AUTS2: variants seen among roughly 807,000 people sequenced by gnomAD.
The protein encoded by AUTS2 is autism susceptibility gene 2 protein.
Under a neutral mutation model 112.4 loss-of-function variants are expected in AUTS2, and 17 were observed. The ratio of observed to expected loss-of-function variants is 0.15; its 90% CI spans 0.10 to 0.23. The LOEUF (loss-of-function observed/expected upper bound fraction) is 0.23, where lower values mean the gene tolerates loss of function less well. AUTS2 is among the 10% of genes least tolerant of loss of function. The pLI is 1.00. For missense variants in AUTS2, 1,510 were observed against 1,701.6 expected (o/e 0.89, Z 1.98); for synonymous variants, 751 against 702.7 (o/e 1.07, Z -1.09).
chr7:70,741,091 C>G (rs1213758659), intron 6 of AUTS2, among the ~76,000 whole-genome samples: 1 of 149,848 alleles, frequency 6.7e-6, no homozygotes, highest in East Asian at 2.0e-4. Flanking sequence ...GAGACCCTGT[C>G]TCAAAAATTA....
intron 2 of AUTS2, among the ~76,000 whole-genome samples, chr7:70,052,479 A>G (rs1329982751): frequency 6.6e-6 from 1 of 152,186 alleles, no homozygotes; most frequent in African/African-American, 2.4e-5. Context: ...AGTCATATAT[A>G]TTCACGGTTC....
intron 1 of AUTS2, among the ~76,000 whole-genome samples, chr7:69,720,109 A>G (rs1025969505): frequency 6.6e-6 from 1 of 152,210 alleles, no homozygotes; most frequent in African/African-American, 2.4e-5. Flanking sequence ...GTAATTTGGC[A>G]TGGTAATGTG....
At chr7:70,703,278 T>C (rs1809557312) in intron 6 of AUTS2, among the ~76,000 whole-genome samples, 1 of 152,128 alleles carries the variant, frequency 6.6e-6, no homozygotes, top group Non-Finnish European at 1.5e-5. Flanking sequence ...GAGGATTGCT[T>C]GAGCTCAGGA....
chr7:70,693,402 TCCACTTTTG>T (rs1484079123), intron 5 of AUTS2, among the ~76,000 whole-genome samples: 8 of 152,204 alleles, frequency 5.3e-5, no homozygotes, highest in African/African-American at 1.9e-4. Context: ...AGCAACAGGC[TCCACTTTTG>T]TGGATGCAGG....
chr7:70,616,675 A>G (rs1312113920), intron 5 of AUTS2, among the ~76,000 whole-genome samples: 1 of 152,198 alleles, frequency 6.6e-6, no homozygotes, highest in Non-Finnish European at 1.5e-5. Flanking sequence ...GTCAGGGTTA[A>G]AAATCAACGT....
intron 5 of AUTS2, among the ~76,000 whole-genome samples, chr7:70,442,838 A>T (rs1401810554): frequency 6.6e-6 from 1 of 151,968 alleles, no homozygotes; most frequent in Non-Finnish European, 1.5e-5. Context: ...CATCTACTCA[A>T]CCTCTTCTTA....
intron 5 of AUTS2, among the ~76,000 whole-genome samples, chr7:70,460,079 C>T (rs1428871663): frequency 6.6e-6 from 1 of 152,134 alleles, no homozygotes; most frequent in African/African-American, 2.4e-5. Flanking sequence ...CTTTCCATAC[C>T]GTATAGAGGA....
chr7:70,095,638 A>G (rs1804154963), intron 2 of AUTS2, among the ~76,000 whole-genome samples: 1 of 152,200 alleles, frequency 6.6e-6, no homozygotes, highest in African/African-American at 2.4e-5. Context: ...ACTTTAGTTT[A>G]TAGGTTATTG....
intron 2 of AUTS2, among the ~76,000 whole-genome samples, chr7:70,017,250 C>G (rs983432087): frequency 2.0e-5 from 3 of 152,066 alleles, no homozygotes; most frequent in African/African-American, 7.2e-5. Context: ...CTTTGATTTC[C>G]CCATAATACA....
At chr7:69,993,291 C>T (rs993129114) in intron 2 of AUTS2, among the ~76,000 whole-genome samples, 4 of 152,130 alleles carry the variant, frequency 2.6e-5, no homozygotes, top group Non-Finnish European at 5.9e-5. Flanking sequence ...GTATAGTCAT[C>T]CCACTATACC....
At chr7:70,185,890 C>A (rs1223570832) in intron 4 of AUTS2, among the ~76,000 whole-genome samples, 2 of 152,018 alleles carry the variant, frequency 1.3e-5, no homozygotes. Context: ...ATTGAGGGAT[C>A]TAGATTTAGC....
intron 5 of AUTS2, among the ~76,000 whole-genome samples, chr7:70,671,717 C>T (rs1563116813): frequency 6.6e-6 from 1 of 152,166 alleles, no homozygotes; most frequent in African/African-American, 2.4e-5. Flanking sequence ...TGTCCAAGAC[C>T]GTACAGTGTC....
intron 2 of AUTS2, among the ~76,000 whole-genome samples, chr7:70,029,640 C>T (rs567192163): frequency 5.9e-5 from 9 of 152,050 alleles, no homozygotes; most frequent in South Asian, 4.2e-4. Context: ...GAATACTTTG[C>T]GGTTGTCATA....
At chr7:69,675,408 A>C (rs1200560709) in intron 1 of AUTS2, among the ~76,000 whole-genome samples, 1 of 151,946 alleles carries the variant, frequency 6.6e-6, no homozygotes, top group Non-Finnish European at 1.5e-5. Flanking sequence ...TAACAGATTC[A>C]TCTAGACACC....
intron 1 of AUTS2, among the ~76,000 whole-genome samples, chr7:69,762,376 G>A (rs922032101): frequency 6.3e-5 from 8 of 126,764 alleles, no homozygotes; most frequent in African/African-American, 2.2e-4. Context: ...GCACTATCTC[G>A]GTTCACTGCA....
At chr7:70,787,837 C>CT (rs1791615179) in intron 18 of AUTS2, among the ~76,000 whole-genome samples, 1 of 152,194 alleles carries the variant, frequency 6.6e-6, no homozygotes, top group Admixed American at 6.5e-5. Flanking sequence ...CTCTTTTCCT[C>CT]TTTTTGTTTT....
At chr7:70,358,088 G>A (rs1467379392) in intron 4 of AUTS2, among the ~76,000 whole-genome samples, 2 of 152,174 alleles carry the variant, frequency 1.3e-5, no homozygotes, top group Admixed American at 6.5e-5. Context: ...TTGGGGACAC[G>A]ATTTTGGACA....
rs576223712 is a variant in AUTS2 at position 70,790,210 on chromosome 7, G to A, written c.2994G>A (p.Gln998=). The change falls in exon 19 of 19, where the codon CAG becomes CAA. Residue 998 remains glutamine (Q), a synonymous_variant. Coordinates refer to ENST00000342771, the MANE Select transcript of AUTS2 (RefSeq NM_015570.4). The surrounding 1 kb of genome is among the most constrained non-coding windows in gnomAD (Gnocchi z 7.6). ...EDHDLPPEAP[Q]THRASEPPPP... ...ATGACCTGCCTCCAGAGGCCCCGCAGACCCACCGGGCCTCGGAGCCGCCGC... is the reference window on the plus strand; with the variant it reads ...ATGACCTGCCTCCAGAGGCCCCGCAAACCCACCGGGCCTCGGAGCCGCCGC... 4 of 1,612,582 alleles carry A rather than the reference G, an allele frequency of 2.5e-6. No homozygotes were observed. In the African/African-American group the frequency reaches 4.0e-5, roughly 16 times the overall value.
chr7:70,013,810 C>T (rs780917753), intron 2 of AUTS2, among the ~76,000 whole-genome samples: 5 of 152,102 alleles, frequency 3.3e-5, no homozygotes, highest in African/African-American at 7.2e-5. Flanking sequence ...CTCCGCCTCC[C>T]GGGTTCAAGC....
Sources: gnomAD v4.1 joint callset for allele counts (sites outside exome capture counted in the v4.1 genomes callset) on GRCh38, gnomAD v4.1.1 for gene constraint, Gnocchi (gnomAD v3.1) non-coding constraint, MANE v1.5 for transcripts, NCBI Gene and HGNC (gene_info 2026-07-23, HGNC 2026-07-21) for gene names.